Variants in HCFC2 observed in about 807,000 individuals in gnomAD.
The protein encoded by HCFC2 is host cell factor 2.
A neutral mutation model predicts 89.2 loss-of-function variants in HCFC2; 18 were observed. That is an observed-to-expected ratio of 0.20 (90% CI 0.14 to 0.30). The LOEUF is 0.30. HCFC2 is among the 10% of genes least tolerant of loss of function. The pLI, the probability that HCFC2 is intolerant of heterozygous loss-of-function variation, is 1.00. For synonymous variants in HCFC2, 308 were observed against 335.7 expected (o/e 0.92, Z 0.90); for missense variants, 578 against 956.1 (o/e 0.60, Z 5.21).
Position 104,068,207 on chromosome 12 carries a change from T to C in HCFC2, c.473+100T>C. The C allele has an allele frequency of 9.5e-7, 1 of 1,052,358 alleles. No homozygotes were observed. The highest frequency in any genetic ancestry group is 1.9e-5 in the South Asian group (1 of 51,298). The allele number at this position is 1,052,358 out of a possible 1,614,324, so 65.2% of individuals were successfully genotyped here. ...TTTTTAAAAGGGATGATGCTTAGCT[T>C]TTTGCATTTCAACCTAACAGTGGAC... On this transcript the variant is annotated intron_variant, in intron 3 of 14. Transcript: ENST00000229330. The surrounding 1 kb of genome is among the most constrained non-coding windows in gnomAD (Gnocchi z 4.1).
intron 13 of HCFC2, 121 bp downstream of exon 13, chr12:104,098,601 G>C: frequency 1.0e-6 from 1 of 983,976 alleles, no homozygotes; most frequent in Non-Finnish European, 1.5e-6. Flanking sequence ...TTAGAACCCT[G>C]ATTCAGGTCA....
intron 7 of HCFC2, 140 bp from the exon 8 acceptor site, chr12:104,086,707 C>G (rs1883860288): frequency 1.9e-6 from 1 of 520,268 alleles, no homozygotes; most frequent in South Asian, 4.9e-5. Flanking sequence ...CTGTGTTTAT[C>G]TGAGTAAACT....
chr12:104,093,860 A>C (rs1884101461), intron 10 of HCFC2, among the ~76,000 whole-genome samples: 1 of 151,660 alleles, frequency 6.6e-6, no homozygotes, highest in Admixed American at 6.6e-5. Flanking sequence ...GGATTCTTTT[A>C]GGACTCCAGG....
At chr12:104,081,208 G>T (rs911577479) in intron 5 of HCFC2, among the ~76,000 whole-genome samples, 6 of 152,148 alleles carry the variant, frequency 3.9e-5, no homozygotes, top group Non-Finnish European at 7.4e-5. Context: ...TAGAGTTGAT[G>T]GTTAGAATAC....
chr12:104,071,575 A>C (rs969471401), intron 3 of HCFC2, among the ~76,000 whole-genome samples: 1 of 150,972 alleles, frequency 6.6e-6, no homozygotes, highest in African/African-American at 2.5e-5. Context: ...CACAGACCTA[A>C]CTATTTTATT....
rs1240740603 is a variant in HCFC2 at position 104,104,607 on chromosome 12, C to A, written c.*1334C>A. Reference sequence around the variant, plus strand: ...ATGTCCTCAAATTTCATGTATGATACCCCCCAGCAAAGATGGATTTAATTG... The same window carrying A: ...ATGTCCTCAAATTTCATGTATGATAACCCCCAGCAAAGATGGATTTAATTG... On this transcript the variant is annotated 3_prime_UTR_variant, in exon 15 of 15. Coordinates refer to ENST00000229330, the MANE Select transcript of HCFC2 (RefSeq NM_013320.3). 2.0e-5 allele frequency: 3 copies of A among 151,824 alleles called. No individual in the cohort carries two copies. The highest frequency in any genetic ancestry group is 7.2e-5 in the African/African-American group (3 of 41,388). 9.4% of individuals were successfully genotyped at this position (151,824 alleles called of 1,614,324 possible). A position where few individuals can be genotyped will look rare whatever the true frequency, so the allele number is the denominator to read the frequency against.
At position 104,096,391 on chromosome 12, in the gene HCFC2, G is replaced by C. The variant is rs1275782898; in HGVS notation, c.1698G>C (p.Lys566Asn). The C allele has an allele frequency of 6.2e-7, 1 of 1,607,156 alleles. No individual in the cohort carries two copies. Among genetic ancestry groups the C allele is most frequent in the Non-Finnish European group, 8.5e-7 (1 of 1,175,378 alleles). Residue 566 changes from lysine (K) to asparagine (N), a missense_variant, in exon 12 of 15, where the codon AAG becomes AAC. Lys to Asn is a moderately conservative substitution (Grantham distance 94, BLOSUM62 0). This residue lies in a region of HCFC2 where 210 missense variants were observed against 251.7 expected (regional missense o/e 0.83). Transcript: ENST00000229330. ...AAACATATGCACTGCCTGCAACGAA[G>C]ATCAGCCGTGTAGAGACACATGCTA... Reference protein sequence around the residue: ...VDETYALPATKISRVETHATA... With the variant: ...VDETYALPATNISRVETHATA...
intron 7 of HCFC2, among the ~76,000 whole-genome samples, chr12:104,086,001 T>TA (rs1883827703): frequency 6.7e-6 from 1 of 149,822 alleles, no homozygotes; most frequent in South Asian, 2.1e-4. Flanking sequence ...CACCATTTTT[T>TA]TTTTTTTTTT....
In HCFC2 at chr12:104,095,059, AT is replaced by A. The variant is rs1884135654; in HGVS notation, c.1463-294del. On this transcript the variant is annotated intron_variant, in intron 10 of 14. Transcript: ENST00000229330. The surrounding 1 kb of genome is among the most constrained non-coding windows in gnomAD (Gnocchi z 4.2). The stretch of plus-strand genomic sequence containing the variant: ...TAATTCATGCTTAATGACCTCTAAT[AT>A]TTTTTTCCTGAAATGAAGGGCAGAG... Among the ~76,000 whole-genome samples, 1 of 151,960 alleles carries A rather than the reference AT, an allele frequency of 6.6e-6. No individual in the cohort carries two copies. Among genetic ancestry groups the A allele is most frequent in the South Asian group, 2.1e-4 (1 of 4,812 alleles).
In HCFC2 at chr12:104,083,005, A is replaced by G. The variant is rs1197547325; in HGVS notation, c.1063+104A>G. The stretch of plus-strand genomic sequence containing the variant: ...ATGCTACTACCTCTTGTTTCCCATA[A>G]TTAAGTATGAATGGAAGAAACAATA... On this transcript the variant is annotated intron_variant, in intron 7 of 14. Transcript: ENST00000229330. 3.9e-6 allele frequency: 3 copies of G among 760,512 alleles called. No homozygotes were observed. The Admixed American group carries it at 8.0e-5, about 20-fold the overall frequency. 47.1% of individuals were successfully genotyped at this position (760,512 alleles called of 1,614,324 possible).
At chr12:104,090,722 C>T (rs1883998099) in intron 9 of HCFC2, among the ~76,000 whole-genome samples, 1 of 151,652 alleles carries the variant, frequency 6.6e-6, no homozygotes, top group African/African-American at 2.4e-5. Context: ...TTTTAGTCTG[C>T]TCTTTGTTAT....
chr12:104,102,139 G>A lies in HCFC2; in HGVS notation c.2050G>A (p.Val684Ile), dbSNP rs764073895. 1.9e-6 allele frequency: 3 copies of A among 1,613,306 alleles called. No homozygotes were observed. In the East Asian group the frequency reaches 6.7e-5, roughly 36 times the overall value. Residue 684 changes from valine (V) to isoleucine (I), a missense_variant, in exon 14 of 15, where the codon GTC becomes ATC. This residue lies in a region of HCFC2 where 140 missense variants were observed against 266.4 expected (regional missense o/e 0.53). Coordinates refer to ENST00000229330, the MANE Select transcript of HCFC2 (RefSeq NM_013320.3). ...TGGTTTTCCTGGAGCTCCTTCTGCA[G>A]TCAGAATTTCAAAGGTGAGACATCG... Reference protein sequence around the residue: ...IPGFPGAPSAVRISKNVEGIH... With the variant: ...IPGFPGAPSAIRISKNVEGIH...
In HCFC2 at chr12:104,064,624, G is replaced by T. The variant is rs182417219; in HGVS notation, c.64G>T (p.Ala22Ser). The stretch of plus-strand genomic sequence containing the variant: ...TTCCTTCACGGGGCCGGTCCCCCGC[G>T]CCCGGCACGGACACCGAGCGGTGGC... Reference protein sequence around the residue: ...VSSFTGPVPRARHGHRAVAIR... With the variant: ...VSSFTGPVPRSRHGHRAVAIR... Residue 22 changes from alanine (A) to serine (S), a missense_variant, in exon 1 of 15, where the codon GCC becomes TCC. Ala to Ser is a moderately conservative substitution (Grantham distance 99). Coordinates refer to ENST00000229330, the MANE Select transcript of HCFC2 (RefSeq NM_013320.3). The surrounding 1 kb of genome is among the most constrained non-coding windows in gnomAD (Gnocchi z 7.3). The T allele has an allele frequency of 2.5e-6, 4 of 1,578,692 alleles. No homozygotes were observed. Among genetic ancestry groups the T allele is most frequent in the Non-Finnish European group, 3.4e-6 (4 of 1,164,742 alleles).
chr12:104,079,052 C>T (rs1278954011), intron 3 of HCFC2, among the ~76,000 whole-genome samples: 1 of 152,156 alleles, frequency 6.6e-6, no homozygotes, highest in African/African-American at 2.4e-5. Flanking sequence ...TCACCATACC[C>T]TATTAATCAA....
chr12:104,095,327 A>G lies in HCFC2; in HGVS notation c.1463-33A>G, dbSNP rs111675086. 9 of 1,477,122 alleles carry G rather than the reference A, an allele frequency of 6.1e-6. No individual in the cohort carries two copies. The Middle Eastern group carries it at 6.9e-4, about 114-fold the overall frequency. The allele number at this position is 1,477,122 out of a possible 1,614,324, so 91.5% of individuals were successfully genotyped here. A position where few individuals can be genotyped will look rare whatever the true frequency, so the allele number is the denominator to read the frequency against. ...GACACAACAATTATCTGCAGATATC[A>G]TATTAATAATTACCTTTTCCCTTTT... On this transcript the variant is annotated intron_variant, in intron 10 of 14. Coordinates refer to ENST00000229330, the MANE Select transcript of HCFC2 (RefSeq NM_013320.3). This position sits in a 1 kb window ranked among gnomAD's most constrained non-coding sequence, Gnocchi z 4.2.
rs936634560 is a variant in HCFC2 at position 104,086,962 on chromosome 12, C to T, written c.1179C>T (p.Asp393=). 3.1e-6 allele frequency: 5 copies of T among 1,613,986 alleles called. No individual in the cohort carries two copies. The highest frequency in any genetic ancestry group is 1.7e-5 in the Admixed American group (1 of 60,002). Residue 393 remains aspartate, a synonymous_variant, in exon 8 of 15, where the codon GAC becomes GAT. Transcript: ENST00000229330. The stretch of plus-strand genomic sequence containing the variant: ...GCTATCTTTTGCAGTTGAGTACAGA[C>T]TTGCCATACCAAGCTGCATCATCAG... The part of the protein sequence containing the change: ...VEGYLLQLST[D]LPYQAASSDS...
rs950086334 is a variant in HCFC2, at chr12:104,067,924, A to G, written c.313-23A>G. ...TGCTTTCTTGATTTTGTCTGACTGT[A>G]TTTGTGCCCTTTTTTTTTTTAGGCA... is the stretch of plus-strand genomic sequence containing the variant. On this transcript the variant is annotated intron_variant, in intron 2 of 14. Transcript: ENST00000229330. 8 of 1,566,556 alleles carry G rather than the reference A, an allele frequency of 5.1e-6. No homozygotes were observed. In the African/African-American group the frequency reaches 8.4e-5, roughly 16 times the overall value.
chr12:104,090,096 G>T, intron 9 of HCFC2, among the ~76,000 whole-genome samples: 1 of 151,842 alleles, frequency 6.6e-6, no homozygotes, highest in African/African-American at 2.4e-5. Context: ...CTCTTTCTTT[G>T]TATTTTCCTT....
rs963639933 is a variant in HCFC2 at position 104,064,653 on chromosome 12, C to T, written c.93C>T (p.Ile31=). Residue 31 remains isoleucine, a synonymous_variant, in exon 1 of 15, where the codon ATC becomes ATT. Coordinates refer to ENST00000229330, the MANE Select transcript of HCFC2 (RefSeq NM_013320.3). The surrounding 1 kb of genome is among the most constrained non-coding windows in gnomAD (Gnocchi z 7.3). ...RARHGHRAVA[I]RELMIIFGGG... is the part of the protein sequence containing the mutation. ...GGCACGGACACCGAGCGGTGGCCAT[C>T]CGGGAGCTGATGATCATCTTTGGAG... 3 of 1,580,002 alleles carry T rather than the reference C, an allele frequency of 1.9e-6. No homozygotes were observed. In the Admixed American group the frequency reaches 5.4e-5, roughly 28 times the overall value.
Sources: allele counts gnomAD v4.1 joint callset (sites outside exome capture counted in the v4.1 genomes callset), GRCh38; gene constraint gnomAD v4.1.1; regional missense constraint gnomAD v4.1.1; non-coding constraint Gnocchi (gnomAD v3.1); transcripts MANE v1.5; gene names NCBI Gene and HGNC (gene_info 2026-07-23, HGNC 2026-07-21).